The following FSTL4 variants were observed in gnomAD, a reference collection of about 807,000 sequenced individuals.
FSTL4 encodes follistatin like 4, also known as follistatin-related protein 4.
FSTL4 carries 28 observed loss-of-function variants against 78.2 expected under a neutral mutation model. The observed-to-expected ratio is 0.36, with a 90% CI of 0.27 to 0.49. FSTL4 has a LOEUF of 0.49. Ranked by LOEUF, FSTL4 falls within the 20% of genes least tolerant of loss-of-function variation. FSTL4 has a pLI of 0.98. For synonymous variants in FSTL4, 422 were observed against 440.5 expected (o/e 0.96, Z 0.53); for missense variants, 922 against 1,084.9 (o/e 0.85, Z 2.11).
intron 3 of FSTL4, among the ~76,000 whole-genome samples, chr5:133,495,639 G>A (rs982911695): frequency 1.3e-5 from 2 of 152,186 alleles, no homozygotes; most frequent in Non-Finnish European, 2.9e-5. Flanking sequence ...GAACAGCAAT[G>A]ATGAGCCCAT....
At chr5:133,461,214 C>T (rs2112838289) in intron 3 of FSTL4, among the ~76,000 whole-genome samples, 1 of 152,248 alleles carries the variant, frequency 6.6e-6, no homozygotes, top group Non-Finnish European at 1.5e-5. Flanking sequence ...ATTAAAATTG[C>T]CAATCTAAAG....
intron 2 of FSTL4, among the ~76,000 whole-genome samples, chr5:133,580,122 T>C (rs1760369404): frequency 6.6e-6 from 1 of 152,150 alleles, no homozygotes; most frequent in South Asian, 2.1e-4. Context: ...GACACAGCAA[T>C]AGGTCCCCTC....
At chr5:133,212,665 AAAG>A (rs765860380) in intron 13 of FSTL4, among the ~76,000 whole-genome samples, 3 of 152,356 alleles carry the variant, frequency 2.0e-5, no homozygotes, top group East Asian at 3.9e-4. Flanking sequence ...CAGAGTTCCC[AAAG>A]AAGAGGTGAG....
chr5:133,780,556 C>T, the FSTL4 span, among the ~76,000 whole-genome samples: 1 of 152,300 alleles, frequency 6.6e-6, no homozygotes, highest in South Asian at 2.1e-4. Context: ...TTATCTGCAT[C>T]TTGTATACCC....
intron 3 of FSTL4, among the ~76,000 whole-genome samples, chr5:133,441,599 TAGAC>T (rs1445470450): frequency 1.3e-5 from 2 of 152,296 alleles, no homozygotes; most frequent in African/African-American, 4.8e-5. Flanking sequence ...AAGCAAGTGA[TAGAC>T]AGGGCTACTG....
At chr5:133,721,799 T>C in the FSTL4 span, among the ~76,000 whole-genome samples, 3 of 152,192 alleles carry the variant, frequency 2.0e-5, no homozygotes, top group Non-Finnish European at 4.4e-5. Context: ...TTGAGCATCA[T>C]GAATTTGGAT....
intron 4 of FSTL4, among the ~76,000 whole-genome samples, chr5:133,328,774 C>T (rs1429878503): frequency 2.0e-5 from 3 of 152,088 alleles, no homozygotes; most frequent in South Asian, 2.1e-4. Context: ...GCAGGGAAGT[C>T]GGAGGGGATA....
intron 4 of FSTL4, among the ~76,000 whole-genome samples, chr5:133,364,088 C>T (rs1439287491): frequency 1.3e-5 from 2 of 152,228 alleles, no homozygotes; most frequent in African/African-American, 4.8e-5. Context: ...GGCAGCCTGG[C>T]TAAGGCAGGA....
intron 6 of FSTL4, among the ~76,000 whole-genome samples, chr5:133,252,566 A>C (rs1752285112): frequency 6.6e-6 from 1 of 152,164 alleles, no homozygotes; most frequent in Non-Finnish European, 1.5e-5. Context: ...ACTGTGTTAC[A>C]AGATGAGAAG....
chr5:133,791,248 T>C, the FSTL4 span, among the ~76,000 whole-genome samples: 1 of 151,618 alleles, frequency 6.6e-6, no homozygotes, highest in African/African-American at 2.4e-5. Flanking sequence ...CTACCCTTGG[T>C]GAAATTGCAA....
the FSTL4 span, among the ~76,000 whole-genome samples, chr5:133,624,780 G>A: frequency 1.3e-5 from 2 of 150,712 alleles, no homozygotes. Context: ...AGCTATTCTT[G>A]GTCTTTTATC....
the FSTL4 span, among the ~76,000 whole-genome samples, chr5:133,748,861 T>A: frequency 1.3e-5 from 2 of 151,992 alleles, no homozygotes; most frequent in Non-Finnish European, 2.9e-5. Context: ...AGAGAGAGCG[T>A]TGAGAATAGA....
rs144987262 is a variant in FSTL4, at chr5:133,304,703, C to T, written c.727+7951G>A. Among the ~76,000 whole-genome samples the T allele has an allele frequency of 1.6e-4, 24 of 152,248 alleles. No homozygotes were observed. The East Asian group carries it at 3.5e-3, about 22-fold the overall frequency. On this transcript the variant is annotated intron_variant, in intron 6 of 15. Transcript: ENST00000265342. ...CCACCATGCAGCTGTTAGAAGTAAACGATTGAGATGGGAAAGGGGCAGTCT... is the reference window on the plus strand; with the variant it reads ...CCACCATGCAGCTGTTAGAAGTAAATGATTGAGATGGGAAAGGGGCAGTCT...
rs960464617 is a variant in FSTL4 at position 133,199,228 on chromosome 5, C to T, written c.2396G>A (p.Gly799Glu). Residue 799 changes from glycine to glutamate, a missense_variant, in exon 16 of 16, where the codon GGG becomes GAG. Transcript: ENST00000265342. The surrounding 1 kb of genome is among the most constrained non-coding windows in gnomAD (Gnocchi z 4.4). ...TGTGAGGAGGTACTGTCCAAACAGCCCACTGTCCCTCATGATTCTGTGGGT... is the reference window on the plus strand; with the variant it reads ...TGTGAGGAGGTACTGTCCAAACAGCTCACTGTCCCTCATGATTCTGTGGGT... ...GGTHRIMRDS[G>E]LFGQYLLTPA... The T allele has an allele frequency of 2.5e-6, 4 of 1,613,666 alleles. No homozygotes were observed. The highest frequency in any genetic ancestry group is 2.2e-5 in the East Asian group (1 of 44,840).
chr5:133,542,619 A>G (rs767584124), intron 3 of FSTL4, among the ~76,000 whole-genome samples: 1 of 152,208 alleles, frequency 6.6e-6, no homozygotes, highest in Non-Finnish European at 1.5e-5. Flanking sequence ...AAATCTGATT[A>G]TATTTCTTGA....
chr5:133,433,732 G>A (rs997446948), intron 3 of FSTL4, among the ~76,000 whole-genome samples: 1 of 152,186 alleles, frequency 6.6e-6, no homozygotes, highest in Non-Finnish European at 1.5e-5. Context: ...AGGCCTCTTG[G>A]AGGAGGTGGA....
chr5:133,370,177 G>A (rs1027666037), intron 4 of FSTL4, among the ~76,000 whole-genome samples: 2 of 152,116 alleles, frequency 1.3e-5, no homozygotes, highest in African/African-American at 4.8e-5. Flanking sequence ...TGTCTGCCCT[G>A]ATGAGACCCA....
chr5:133,389,870 C>G (rs1351692101), intron 4 of FSTL4, among the ~76,000 whole-genome samples: 1 of 152,128 alleles, frequency 6.6e-6, no homozygotes, highest in Non-Finnish European at 1.5e-5. Context: ...GGATGAGCAT[C>G]TGAGAAACAG....
At chr5:133,526,887 C>T (rs1759113137) in intron 3 of FSTL4, among the ~76,000 whole-genome samples, 1 of 152,162 alleles carries the variant, frequency 6.6e-6, no homozygotes. Flanking sequence ...GAGTTGCCAG[C>T]CAACTTCCTT....
Sources: allele counts gnomAD v4.1 joint callset (sites outside exome capture counted in the v4.1 genomes callset), GRCh38; gene constraint gnomAD v4.1.1; non-coding constraint Gnocchi (gnomAD v3.1); transcripts MANE v1.5; gene names NCBI Gene and HGNC (gene_info 2026-07-23, HGNC 2026-07-21).